SV2B: variants seen among roughly 807,000 people sequenced by gnomAD.
SV2B encodes solute carrier family 22 member B2.
In SV2B, 41 loss-of-function variants were observed where a neutral mutation model predicts 73.9. That is an observed-to-expected ratio of 0.56 (90% confidence interval 0.43 to 0.72). The LOEUF (loss-of-function observed/expected upper bound fraction) is 0.72, where lower values mean the gene tolerates loss of function less well. Ranked by LOEUF, SV2B falls within the 30% of genes least tolerant of loss-of-function variation. The pLI is 0.00. For synonymous variants in SV2B, 314 were observed against 314.2 expected, an observed-to-expected ratio of 1.00 and a Z score of 0.01; for missense variants, 764 against 857.8, an observed-to-expected ratio of 0.89 and a Z score of 1.37.
At chr15:91,251,612 G>A (rs11856373) in intron 2 of SV2B, among the ~76,000 whole-genome samples, 3,608 of 152,310 alleles carry the variant, frequency 0.024, 84 homozygotes, top group East Asian at 0.096. Context: ...CTGTGTATAT[G>A]TGAGGCCATT....
At chr15:91,192,705 CA>C (rs2045085946) in intron 1 of SV2B, among the ~76,000 whole-genome samples, 1 of 152,194 alleles carries the variant, frequency 6.6e-6, no homozygotes, top group Admixed American at 6.5e-5. Flanking sequence ...TTTTATTTCA[CA>C]AGGTAAAGGG....
At position 91,224,898 on chromosome 15, in the gene SV2B, G is replaced by T. The variant is rs1364106811; in HGVS notation, c.-391-975G>T. Reference sequence around the variant, plus strand: ...CCACTGGGCAAAGGAGTCAACAGAGGGACTCTGATTGGAATTGGGATATAG... The same window carrying T: ...CCACTGGGCAAAGGAGTCAACAGAGTGACTCTGATTGGAATTGGGATATAG... On this transcript the variant is annotated intron_variant, in intron 1 of 12. Transcript: ENST00000394232. This position sits in a 1 kb window ranked among gnomAD's most constrained non-coding sequence, Gnocchi z 4.9. Among the ~76,000 whole-genome samples the T allele has an allele frequency of 1.3e-5, 2 of 152,076 alleles. No homozygotes were observed. The highest frequency in any genetic ancestry group is 2.9e-5 in the Non-Finnish European group (2 of 68,004).
Position 91,261,648 on chromosome 15 carries a change from A to G in SV2B, c.1008+1239A>G, listed in dbSNP as rs945078572. Among the ~76,000 whole-genome samples the G allele has an allele frequency of 6.6e-6, 1 of 152,206 alleles. No homozygotes were observed. Among genetic ancestry groups the G allele is most frequent in the Non-Finnish European group, 1.5e-5 (1 of 68,038 alleles). On this transcript the variant is annotated intron_variant, in intron 6 of 12. Coordinates refer to ENST00000394232, the MANE Select transcript of SV2B (RefSeq NM_001323032.3). The surrounding 1 kb of genome is among the most constrained non-coding windows in gnomAD (Gnocchi z 4.7). Reference sequence around the variant, plus strand: ...AGCTCTTGAGATACATTGCCAAATCATAATACATTTCAACTGGGTTGTACC... The same window carrying G: ...AGCTCTTGAGATACATTGCCAAATCGTAATACATTTCAACTGGGTTGTACC...
intron 1 of SV2B, among the ~76,000 whole-genome samples, chr15:91,172,084 T>C (rs2044141212): frequency 6.6e-6 from 1 of 152,160 alleles, no homozygotes; most frequent in Non-Finnish European, 1.5e-5. Context: ...ACACTAAAAA[T>C]TGGTATATGT....
chr15:91,226,866 T>C (rs2046401365), intron 2 of SV2B, 152 bp downstream of exon 2: 2 of 974,192 alleles, frequency 2.1e-6, no homozygotes, highest in African/African-American at 1.6e-5. Context: ...ATTGATTGAC[T>C]TAAGTTTGCA....
At position 91,191,285 on chromosome 15, in the gene SV2B, G is replaced by A. The variant is rs570959679; in HGVS notation, c.-391-34588G>A. 6.6e-5 allele frequency among the ~76,000 whole-genome samples: 10 copies of A among 151,818 alleles called. No homozygotes were observed. In the South Asian group the frequency reaches 2.1e-3, roughly 32 times the overall value. ...AAAACTCCCTCTTTGATCAAACTTT[G>A]TACAGGCTCCTAGTAATCTTCTTCT... On this transcript the variant is annotated intron_variant, in intron 1 of 12. Transcript: ENST00000394232.
At chr15:91,196,079 T>C (rs1020978403) in intron 1 of SV2B, among the ~76,000 whole-genome samples, 2 of 152,244 alleles carry the variant, frequency 1.3e-5, no homozygotes, top group African/African-American at 4.8e-5. Context: ...AAAGATTGGC[T>C]GCTAAAAGAG....
chr15:91,292,622 C>T lies in SV2B; in HGVS notation c.*70C>T. 3 of 1,537,310 alleles carry T rather than the reference C, an allele frequency of 2.0e-6. No homozygotes were observed. The highest frequency in any genetic ancestry group is 2.6e-6 in the Non-Finnish European group (3 of 1,141,980). On this transcript the variant is annotated 3_prime_UTR_variant, in exon 13 of 13. Transcript: ENST00000394232. ...CACTGAAATGCATCCACACTTCCTG[C>T]CTATCACGGTCCGGAGGACACCTTG...
chr15:91,246,555 C>A (rs1055347856), intron 2 of SV2B, among the ~76,000 whole-genome samples: 2 of 152,154 alleles, frequency 1.3e-5, no homozygotes, highest in African/African-American at 4.8e-5. Context: ...GAGCCAGGAC[C>A]ATGGCCCAGA....
At chr15:91,143,953 T>TA (rs2043072523) in intron 1 of SV2B, among the ~76,000 whole-genome samples, 2 of 152,226 alleles carry the variant, frequency 1.3e-5, no homozygotes, top group Admixed American at 1.3e-4. Flanking sequence ...GGGAGAGTCT[T>TA]ATAGCCTTTA....
intron 1 of SV2B, among the ~76,000 whole-genome samples, chr15:91,155,590 G>C (rs1035614049): frequency 6.6e-6 from 1 of 152,136 alleles, no homozygotes; most frequent in Non-Finnish European, 1.5e-5. Context: ...CAGAGGTCTC[G>C]TGTCTCATGA....
chr15:91,191,063 CTTTTTT>C (rs59849012), intron 1 of SV2B, among the ~76,000 whole-genome samples: 9 of 64,244 alleles, frequency 1.4e-4, no homozygotes, highest in Non-Finnish European at 2.5e-4. Flanking sequence ...TTTGGTGTTT[CTTTTTT>C]TTTTTTTTTT....
chr15:91,153,542 T>C (rs912447029), intron 1 of SV2B, among the ~76,000 whole-genome samples: 31 of 152,188 alleles, frequency 2.0e-4, no homozygotes, highest in African/African-American at 6.0e-4. Flanking sequence ...GAGGATTTAA[T>C]AAGCTGATTC....
intron 4 of SV2B, among the ~76,000 whole-genome samples, chr15:91,257,794 C>T (rs908172816): frequency 5.8e-4 from 88 of 152,234 alleles, no homozygotes; most frequent in African/African-American, 2.1e-3. Flanking sequence ...GACCCCCATC[C>T]CCATCTTCAT....
chr15:91,133,776 T>G (rs1176548508), intron 1 of SV2B, among the ~76,000 whole-genome samples: 2 of 152,014 alleles, frequency 1.3e-5, no homozygotes, highest in Non-Finnish European at 2.9e-5. Context: ...CTGATTTCTC[T>G]TGTTCTCCCT....
rs2042319598 is a variant in SV2B, at chr15:91,121,001, G to A, written c.-392+20638G>A. Among the ~76,000 whole-genome samples, 1 of 152,110 alleles carries A rather than the reference G, an allele frequency of 6.6e-6. No homozygotes were observed. On this transcript the variant is annotated intron_variant, in intron 1 of 12. Coordinates refer to ENST00000394232, the MANE Select transcript of SV2B (RefSeq NM_001323032.3). The surrounding 1 kb of genome is among the most constrained non-coding windows in gnomAD (Gnocchi z 4.4). ...ACTTTCTGATTCTGAAGCCTGAACT[G>A]TTAACCTCTGCAGTCTATACAGTCA...
In SV2B at chr15:91,298,005, A is replaced by G. The variant is rs1212990087; in HGVS notation, c.*5453A>G. The stretch of plus-strand genomic sequence containing the variant: ...GGCATCCTGTAATTCATTGTGCCTT[A>G]TGATGGACCTCTGATTCTATAAGCT... On this transcript the variant is annotated 3_prime_UTR_variant, in exon 13 of 13. Transcript: ENST00000394232. The surrounding 1 kb of genome is among the most constrained non-coding windows in gnomAD (Gnocchi z 5.4). The G allele has an allele frequency of 1.3e-5, 2 of 152,170 alleles. No individual in the cohort carries two copies. The highest frequency in any genetic ancestry group is 2.9e-5 in the Non-Finnish European group (2 of 68,056). The allele number at this position is 152,170 out of a possible 1,614,324, so 9.4% of individuals were successfully genotyped here. A position where few individuals can be genotyped will look rare whatever the true frequency, so the allele number is the denominator to read the frequency against.
intron 2 of SV2B, among the ~76,000 whole-genome samples, chr15:91,233,946 T>C (rs1237895501): frequency 6.6e-6 from 1 of 152,188 alleles, no homozygotes; most frequent in Admixed American, 6.5e-5. Flanking sequence ...GGAATGGATA[T>C]TAAGGGTGTG....
intron 11 of SV2B, among the ~76,000 whole-genome samples, chr15:91,285,347 T>C (rs2048824716): frequency 6.6e-6 from 1 of 152,188 alleles, no homozygotes; most frequent in Non-Finnish European, 1.5e-5. Flanking sequence ...GCCTGGGTAG[T>C]CTTGAGGCCC....
Sources: gnomAD v4.1 joint callset for allele counts (sites outside exome capture counted in the v4.1 genomes callset) on GRCh38, gnomAD v4.1.1 for gene constraint, Gnocchi (gnomAD v3.1) non-coding constraint, MANE v1.5 for transcripts, NCBI Gene and HGNC (gene_info 2026-07-23, HGNC 2026-07-21) for gene names.